The following RAC1 variants were observed in gnomAD, a reference collection of about 807,000 sequenced individuals.
The protein encoded by RAC1 is Rac family small GTPase 1.
A neutral mutation model predicts 25.2 loss-of-function variants in RAC1; 2 were observed. The observed-to-expected ratio is 0.08, with a 90% confidence interval of 0.03 to 0.25. The LOEUF (loss-of-function observed/expected upper bound fraction) is 0.25. RAC1 is among the 10% of genes least tolerant of loss of function. The probability of loss-of-function intolerance (pLI) is 1.00; values close to 1 mark genes in which losing one functional copy is unlikely to be tolerated. For synonymous variants in RAC1, 88 were observed against 94.0 expected, an observed-to-expected ratio of 0.94 and a Z score of 0.37; for missense variants, 50 against 235.7, an observed-to-expected ratio of 0.21 and a Z score of 5.16.
intron 1 of RAC1, 128 bp downstream of exon 1, chr7:6,374,898 G>T: frequency 2.5e-6 from 2 of 787,758 alleles, no homozygotes; most frequent in Non-Finnish European, 3.1e-6. Flanking sequence ...CTGGGCCTGT[G>T]TCGCGGGGCG....
chr7:6,388,640 A>AT (rs1235418593), intron 2 of RAC1, among the ~76,000 whole-genome samples: 6 of 151,930 alleles, frequency 3.9e-5, no homozygotes, highest in African/African-American at 7.2e-5. Context: ...CACGGCACCC[A>AT]TTTTTTACTG....
At chr7:6,387,776 T>C (rs1782963741) in intron 2 of RAC1, among the ~76,000 whole-genome samples, 1 of 151,840 alleles carries the variant, frequency 6.6e-6, no homozygotes, top group Non-Finnish European at 1.5e-5. Context: ...TTCACAACTT[T>C]GCTAGTTGAT....
At chr7:6,376,176 C>CTTTTTTTTTTTTTT (rs747387468) in intron 1 of RAC1, among the ~76,000 whole-genome samples, 1 of 65,514 alleles carries the variant, frequency 1.5e-5, no homozygotes, top group Non-Finnish European at 2.6e-5. Context: ...GCTATTCAGG[C>CTTTTTTTTTTTTTT]TTTTTTTTTT....
chr7:6,385,286 G>C (rs747758688), intron 1 of RAC1, among the ~76,000 whole-genome samples: 8 of 152,142 alleles, frequency 5.3e-5, no homozygotes, highest in Non-Finnish European at 1.2e-4. Context: ...TTAGCACCTA[G>C]TGTGCTTCTG....
In RAC1 at chr7:6,401,849, G is replaced by T. The variant is rs756505837; in HGVS notation, c.289-19G>T. On this transcript the variant is annotated intron_variant, in intron 4 of 5. Transcript: ENST00000348035. ...TGTAAAGGAGCGTGTCACAACCTCT[G>T]TTCCTTCTTCACATCTAGTGGTATC... 4 of 1,607,126 alleles carry T rather than the reference G, an allele frequency of 2.5e-6. No individual in the cohort carries two copies. Among genetic ancestry groups the T allele is most frequent in the African/African-American group, 1.3e-5 (1 of 74,870 alleles).
rs1782525388 is a variant in RAC1, at chr7:6,374,623, G to C, written c.-113G>C. ...GCGAGGCGGCGTGGACAGCGGCCCC[G>C]GCACCCAGCGCCCCGCCGCCCGCAA... On this transcript the variant is annotated 5_prime_UTR_variant, in exon 1 of 6. Coordinates refer to ENST00000348035, the MANE Select transcript of RAC1 (RefSeq NM_006908.5). 1.5e-6 allele frequency: 1 copy of C among 657,506 alleles called. No individual in the cohort carries two copies. Among genetic ancestry groups the C allele is most frequent in the African/African-American group, 2.0e-5 (1 of 50,922 alleles). The allele number at this position is 657,506 out of a possible 1,614,324, so 40.7% of individuals were successfully genotyped here. A position where few individuals can be genotyped will look rare whatever the true frequency, so the allele number is the denominator to read the frequency against.
rs558386162 is a variant in RAC1, at chr7:6,399,065, G to A, written c.226-1061G>A. 9.2e-5 allele frequency among the ~76,000 whole-genome samples: 14 copies of A among 152,126 alleles called. No homozygotes were observed. The South Asian group carries it at 2.9e-3, about 32-fold the overall frequency. On this transcript the variant is annotated intron_variant, in intron 3 of 5. Transcript: ENST00000348035. ...CGGAGCAGGACTAACCTTGTTGCCGGGGCCTTCTTTCTCCGCTTGGGTGTC... is the reference window on the plus strand; with the variant it reads ...CGGAGCAGGACTAACCTTGTTGCCGAGGCCTTCTTTCTCCGCTTGGGTGTC...
At chr7:6,376,426 C>T (rs1782596332) in intron 1 of RAC1, among the ~76,000 whole-genome samples, 1 of 151,578 alleles carries the variant, frequency 6.6e-6, no homozygotes, top group Non-Finnish European at 1.5e-5. Context: ...TCAGGTGATC[C>T]ACCCGCCTGG....
In RAC1 at chr7:6,402,983, G is replaced by C. The variant is rs1783462545; in HGVS notation, c.*537G>C. On this transcript the variant is annotated 3_prime_UTR_variant, in exon 6 of 6. Transcript: ENST00000348035. The stretch of plus-strand genomic sequence containing the variant: ...CAGCACGTGTTCCCGACATAACATT[G>C]TACTGTAATGGAGTGAGCGTAGCAG... The C allele has an allele frequency of 1.0e-5, 2 of 191,672 alleles. No homozygotes were observed. Among genetic ancestry groups the C allele is most frequent in the Non-Finnish European group, 2.2e-5 (2 of 91,274 alleles). 11.9% of individuals were successfully genotyped at this position (191,672 alleles called of 1,614,324 possible). A position where few individuals can be genotyped will look rare whatever the true frequency, so the allele number is the denominator to read the frequency against.
In RAC1 at chr7:6,403,765, G is replaced by A. The variant is rs1783486993; in HGVS notation, c.*1319G>A. On this transcript the variant is annotated 3_prime_UTR_variant, in exon 6 of 6. Transcript: ENST00000348035. ...TATTGATGTTCCTTTGGGTCTGTGA[G>A]GTTCTGTAAACTGTGCTAGTGCTGA... The A allele has an allele frequency of 4.7e-6, 1 of 210,812 alleles. No individual in the cohort carries two copies. The highest frequency in any genetic ancestry group is 7.2e-5 in the East Asian group (1 of 13,876). 13.1% of individuals were successfully genotyped at this position (210,812 alleles called of 1,614,324 possible). A position where few individuals can be genotyped will look rare whatever the true frequency, so the allele number is the denominator to read the frequency against.
chr7:6,385,642 G>A (rs1782905030), intron 1 of RAC1, among the ~76,000 whole-genome samples: 2 of 152,188 alleles, frequency 1.3e-5, no homozygotes, highest in Non-Finnish European at 2.9e-5. Flanking sequence ...GGAATGGGGA[G>A]TTCCAACTTT....
At chr7:6,395,550 A>T (rs891214277) in intron 3 of RAC1, among the ~76,000 whole-genome samples, 2 of 152,190 alleles carry the variant, frequency 1.3e-5, no homozygotes, top group African/African-American at 2.4e-5. Context: ...TGTGGTTTGT[A>T]TGATGATCTT....
intron 1 of RAC1, among the ~76,000 whole-genome samples, chr7:6,375,662 C>G (rs1381703377): frequency 6.6e-6 from 1 of 151,006 alleles, no homozygotes; most frequent in African/African-American, 2.4e-5. Flanking sequence ...TTTTTCTTTT[C>G]TTTCTTTCTT....
chr7:6,391,645 G>C, intron 2 of RAC1: 1 of 423,454 alleles, frequency 2.4e-6, no homozygotes, highest in South Asian at 3.5e-5. Flanking sequence ...CTTAAACTTT[G>C]TTTAAAGTAA....
intron 1 of RAC1, among the ~76,000 whole-genome samples, chr7:6,382,974 G>A (rs781499727): frequency 6.6e-6 from 1 of 152,174 alleles, no homozygotes; most frequent in African/African-American, 2.4e-5. Flanking sequence ...AGCACAGATA[G>A]GTTAAAAAAA....
chr7:6,402,234 C>G, intron 5 of RAC1, 82 bp from the exon 6 acceptor site: 1 of 1,522,938 alleles, frequency 6.6e-7, no homozygotes, highest in African/African-American at 1.4e-5. Flanking sequence ...CGCCCGGGCC[C>G]CAGGAGCTGC....
intron 3 of RAC1, among the ~76,000 whole-genome samples, chr7:6,393,094 G>A (rs542949669): frequency 6.6e-6 from 1 of 152,276 alleles, no homozygotes; most frequent in African/African-American, 2.4e-5. Flanking sequence ...TTGGGGTTGG[G>A]GTTGGGTTGA....
intron 2 of RAC1, among the ~76,000 whole-genome samples, chr7:6,390,839 A>C (rs548082838): frequency 6.6e-6 from 1 of 152,206 alleles, no homozygotes; most frequent in South Asian, 2.1e-4. Context: ...TTTATCCAAT[A>C]ATTTTTTTCT....
intron 3 of RAC1, among the ~76,000 whole-genome samples, chr7:6,393,083 A>ATTGGGG (rs978205275): frequency 3.3e-5 from 5 of 151,902 alleles, no homozygotes; most frequent in Admixed American, 6.6e-5. Flanking sequence ...GGCCGGAGGG[A>ATTGGGG]TTGGGGTTGG....
Sources: allele counts gnomAD v4.1 joint callset (sites outside exome capture counted in the v4.1 genomes callset), GRCh38; gene constraint gnomAD v4.1.1; transcripts MANE v1.5; gene names NCBI Gene and HGNC (gene_info 2026-07-23, HGNC 2026-07-21).